Variants in A1CF observed in about 807,000 individuals in gnomAD.
A1CF encodes APOBEC1 complementation factor, also known as APOBEC-1 stimulating protein.
Under a neutral mutation model 68.9 loss-of-function variants are expected in A1CF, and 48 were observed. The observed-to-expected ratio is 0.70, with a 90% CI of 0.55 to 0.89. The LOEUF (loss-of-function observed/expected upper bound fraction) is 0.89, where lower values mean the gene tolerates loss of function less well. Ranked by LOEUF, A1CF falls within the 40% of genes least tolerant of loss-of-function variation. A1CF has a pLI of 0.00. For missense variants in A1CF, 653 were observed against 718.9 expected (o/e 0.91, Z 1.05); for synonymous variants, 272 against 260.4 (o/e 1.04, Z -0.43).
chr10:50,884,141 A>G (rs1564541798), intron 1 of A1CF, among the ~76,000 whole-genome samples: 1 of 152,230 alleles, frequency 6.6e-6, no homozygotes, highest in Non-Finnish European at 1.5e-5. Flanking sequence ...CACATTTATT[A>G]ACATCCACTG....
chr10:50,852,890 A>G (rs553827012), intron 3 of A1CF, among the ~76,000 whole-genome samples: 7 of 152,290 alleles, frequency 4.6e-5, no homozygotes, highest in African/African-American at 1.7e-4. Flanking sequence ...ACCTAAGTAC[A>G]TTATCTCAAA....
intron 6 of A1CF, among the ~76,000 whole-genome samples, chr10:50,833,691 C>T (rs962631786): frequency 2.0e-5 from 3 of 152,118 alleles, no homozygotes; most frequent in Admixed American, 6.5e-5. Context: ...TAAAGAATTC[C>T]TTTGTTGTGG....
At chr10:50,819,826 T>C (rs79030664) in intron 8 of A1CF, among the ~76,000 whole-genome samples, 386 of 152,324 alleles carry the variant, frequency 2.5e-3, no homozygotes, top group African/African-American at 9.0e-3. Flanking sequence ...GAAGATGTTT[T>C]ATTCTTTATA....
At chr10:50,839,435 GTATATAT>G (rs1167952416) in intron 5 of A1CF, among the ~76,000 whole-genome samples, 1 of 152,194 alleles carries the variant, frequency 6.6e-6, no homozygotes, top group Non-Finnish European at 1.5e-5. Flanking sequence ...AAGCACTTTA[GTATATAT>G]TCTTTCATAT....
In A1CF at chr10:50,816,178, C is replaced by A. The variant is rs1317969727; in HGVS notation, c.969G>T (p.Leu323=). The change falls in exon 9 of 13, where the codon CTG becomes CTT. Residue 323 remains leucine (L), a synonymous_variant. Coordinates refer to ENST00000373997, the MANE Select transcript of A1CF (RefSeq NM_014576.4). ...CCAAAGAGTAGGTATACTCTCCTTG[C>A]AGCATGGTGCCCCTTCCACCTGTGC... ...TRGTGGRGTM[L]QGEYTYSLGQ... 2 of 1,613,780 alleles carry A rather than the reference C, an allele frequency of 1.2e-6. No individual in the cohort carries two copies. Among genetic ancestry groups the A allele is most frequent in the Non-Finnish European group, 1.7e-6 (2 of 1,179,858 alleles).
chr10:50,859,524 A>G (rs1840642478), intron 3 of A1CF, among the ~76,000 whole-genome samples: 1 of 152,194 alleles, frequency 6.6e-6, no homozygotes, highest in Non-Finnish European at 1.5e-5. Context: ...TTTTCTGCTG[A>G]TTCCTGAAAC....
chr10:50,870,752 T>C (rs553241307), intron 1 of A1CF, among the ~76,000 whole-genome samples: 1 of 151,876 alleles, frequency 6.6e-6, no homozygotes, highest in Admixed American at 6.6e-5. Context: ...TAGAAAATAA[T>C]AGAAAACTTC....
intron 3 of A1CF, among the ~76,000 whole-genome samples, chr10:50,853,001 G>C (rs978472064): frequency 1.3e-5 from 2 of 152,074 alleles, no homozygotes; most frequent in Admixed American, 1.3e-4. Context: ...CTGATGGCTT[G>C]TATTTGCTGA....
chr10:50,830,046 G>C (rs183525977), intron 6 of A1CF, among the ~76,000 whole-genome samples: 1 of 151,842 alleles, frequency 6.6e-6, no homozygotes, highest in East Asian at 1.9e-4. Flanking sequence ...TTTTTTGGTG[G>C]TGATAACATT....
chr10:50,838,064 T>C (rs2132437272), intron 5 of A1CF, among the ~76,000 whole-genome samples: 1 of 152,350 alleles, frequency 6.6e-6, no homozygotes, highest in East Asian at 1.9e-4. Flanking sequence ...TATATGACTT[T>C]TGTAATAACA....
chr10:50,849,828 C>G (rs551892928), intron 3 of A1CF, among the ~76,000 whole-genome samples: 1 of 115,284 alleles, frequency 8.7e-6, no homozygotes, highest in African/African-American at 3.2e-5. Context: ...GAGTCTCGCT[C>G]TGTCGCCCAG....
In A1CF at chr10:50,861,359, A is replaced by G. The variant is rs891960838; in HGVS notation, c.-45-1374T>C. On this transcript the variant is annotated intron_variant, in intron 2 of 12. Coordinates refer to ENST00000373997, the MANE Select transcript of A1CF (RefSeq NM_014576.4). ...TATTAGTACCAATATTACTAACACT[A>G]GTATTACTAATTGCAGCACTAGTAG... 1.9e-4 allele frequency among the ~76,000 whole-genome samples: 29 copies of G among 149,972 alleles called. 1 individual carries two copies. Among genetic ancestry groups the G allele is most frequent in the Admixed American group, 1.7e-3 (26 of 14,926 alleles).
chr10:50,815,670 C>A (rs1000853459), intron 9 of A1CF, among the ~76,000 whole-genome samples: 1 of 152,064 alleles, frequency 6.6e-6, no homozygotes, highest in South Asian at 2.1e-4. Flanking sequence ...TGTAATGAGC[C>A]ACAGATGACT....
intron 12 of A1CF, among the ~76,000 whole-genome samples, chr10:50,807,407 T>C (rs1837884109): frequency 6.6e-6 from 1 of 152,182 alleles, no homozygotes; most frequent in African/African-American, 2.4e-5. Flanking sequence ...AGAAATACTG[T>C]AAAGGTTAAG....
intron 5 of A1CF, among the ~76,000 whole-genome samples, chr10:50,839,166 T>G (rs1445489013): frequency 6.6e-6 from 1 of 152,222 alleles, no homozygotes; most frequent in Non-Finnish European, 1.5e-5. Flanking sequence ...CGTAGTGGAT[T>G]GATTTTATTC....
rs889722532 is a variant in A1CF, at chr10:50,802,394, C to T, written c.*4335G>A. ...CTTCCTGTCTTCCAATAAGTATATA[C>T]AAAATCTTAAGTTATCCTATTAACA... On this transcript the variant is annotated 3_prime_UTR_variant, in exon 13 of 13. Transcript: ENST00000373997. The T allele has an allele frequency of 2.0e-5, 3 of 152,122 alleles. No homozygotes were observed. Among genetic ancestry groups the T allele is most frequent in the African/African-American group, 4.8e-5 (2 of 41,444 alleles). The allele number at this position is 152,122 out of a possible 1,614,324, so 9.4% of individuals were successfully genotyped here. A position where few individuals can be genotyped will look rare whatever the true frequency, so the allele number is the denominator to read the frequency against.
intron 5 of A1CF, among the ~76,000 whole-genome samples, chr10:50,841,173 A>G (rs2132449561): frequency 6.6e-6 from 1 of 152,288 alleles, no homozygotes; most frequent in East Asian, 1.9e-4. Context: ...TTAGAAGAAA[A>G]TTCAAATTCA....
intron 1 of A1CF, among the ~76,000 whole-genome samples, chr10:50,866,938 C>T (rs1841019558): frequency 6.6e-6 from 1 of 151,602 alleles, no homozygotes; most frequent in African/African-American, 2.4e-5. Context: ...TGGTCTCGAA[C>T]TCCTGGGCTC....
At position 50,800,479 on chromosome 10, in the gene A1CF, G is replaced by C. The variant is rs1837555157; in HGVS notation, c.*6250C>G. ...AATTCTAAGTGGCAAAACCTATCAG[G>C]TGTTGCAATTATATTCAATTTTGAA... On this transcript the variant is annotated 3_prime_UTR_variant, in exon 13 of 13. Coordinates refer to ENST00000373997, the MANE Select transcript of A1CF (RefSeq NM_014576.4). The C allele has an allele frequency of 2.6e-5, 4 of 152,126 alleles. No homozygotes were observed. The highest frequency in any genetic ancestry group is 9.7e-5 in the African/African-American group (4 of 41,428). The allele number at this position is 152,126 out of a possible 1,614,324, so 9.4% of individuals were successfully genotyped here. A position where few individuals can be genotyped will look rare whatever the true frequency, so the allele number is the denominator to read the frequency against.
Sources: allele counts gnomAD v4.1 joint callset (sites outside exome capture counted in the v4.1 genomes callset), GRCh38; gene constraint gnomAD v4.1.1; transcripts MANE v1.5; gene names NCBI Gene and HGNC (gene_info 2026-07-23, HGNC 2026-07-21).